Variants in UBQLN4 observed in about 807,000 individuals in gnomAD.
UBQLN4 encodes the protein ubiquilin 4.
In UBQLN4, 11 loss-of-function variants were observed where a neutral mutation model predicts 60.4. The ratio of observed to expected loss-of-function variants is 0.18; its 90% CI spans 0.11 to 0.30. The LOEUF (loss-of-function observed/expected upper bound fraction) is 0.30. Ranked by LOEUF, UBQLN4 falls within the 10% of genes least tolerant of loss-of-function variation. The probability of loss-of-function intolerance (pLI) is 1.00; values close to 1 mark genes in which losing one functional copy is unlikely to be tolerated. For missense variants in UBQLN4, 417 were observed against 795.5 expected (o/e 0.52, Z 5.72); for synonymous variants, 258 against 313.1 (o/e 0.82, Z 1.86).
At chr1:156,037,586 ACT>A (rs1558084558) in intron 10 of UBQLN4, among the ~76,000 whole-genome samples, 2 of 152,166 alleles carry the variant, frequency 1.3e-5, no homozygotes, top group African/African-American at 2.4e-5. Flanking sequence ...ACAGAGCGAG[ACT>A]CTGTCTCAAA....
chr1:156,048,368 C>T lies in UBQLN4; in HGVS notation c.900+133G>A. 1 of 1,057,714 alleles carries T rather than the reference C, an allele frequency of 9.5e-7. No homozygotes were observed. The highest frequency in any genetic ancestry group is 1.8e-5 in the South Asian group (1 of 55,138). The allele number at this position is 1,057,714 out of a possible 1,614,324, so 65.5% of individuals were successfully genotyped here. A position where few individuals can be genotyped will look rare whatever the true frequency, so the allele number is the denominator to read the frequency against. ...ATCCCCGGATATGTACTGTTGAGAA[C>T]TGCCTTCAAGCCAAGGCCCACCCCT... On this transcript the variant is annotated intron_variant, in intron 5 of 10. Transcript: ENST00000368309. This position sits in a 1 kb window ranked among gnomAD's most constrained non-coding sequence, Gnocchi z 4.9.
chr1:156,046,797 G>A lies in UBQLN4; in HGVS notation c.900+1704C>T, dbSNP rs144936002. Among the ~76,000 whole-genome samples the A allele has an allele frequency of 4.9e-3, 733 of 149,336 alleles. 5 individuals are homozygous for A. Among genetic ancestry groups the A allele is most frequent in the African/African-American group, 0.017 (683 of 40,634 alleles). ...GTGGAGGTTGCAGTGAGCTGAGATCGCGCCATTGCACTCCAGCCTGGGCGA... is the reference window on the plus strand; with the variant it reads ...GTGGAGGTTGCAGTGAGCTGAGATCACGCCATTGCACTCCAGCCTGGGCGA... On this transcript the variant is annotated intron_variant, in intron 5 of 10. Transcript: ENST00000368309.
At chr1:156,044,476 C>A (rs1031234677) in intron 5 of UBQLN4, among the ~76,000 whole-genome samples, 1 of 152,148 alleles carries the variant, frequency 6.6e-6, no homozygotes, top group African/African-American at 2.4e-5. Flanking sequence ...CCCATCCCCC[C>A]GGTGGCTTTC....
intron 5 of UBQLN4, among the ~76,000 whole-genome samples, chr1:156,047,624 G>A (rs12733778): frequency 7.9e-5 from 12 of 151,018 alleles, no homozygotes; most frequent in Non-Finnish European, 1.5e-4. Context: ...GGCCAGGCGC[G>A]GTGGCTCACT....
intron 9 of UBQLN4, 27 bp downstream of exon 9, chr1:156,041,845 G>T: frequency 6.3e-7 from 1 of 1,580,490 alleles, no homozygotes; most frequent in Non-Finnish European, 8.6e-7. Flanking sequence ...CTAGAACCTT[G>T]CTGCCCTCCT....
rs777204112 is a variant in UBQLN4 at position 156,048,944 on chromosome 1, A to T, written c.742-285T>A. On this transcript the variant is annotated intron_variant, in intron 4 of 10. Transcript: ENST00000368309. This position sits in a 1 kb window ranked among gnomAD's most constrained non-coding sequence, Gnocchi z 4.9. ...TCCCTCCCTTAGGCTCAGAGTGTCC[A>T]AAGAAGTGTCAGGGTGCACAAGGAA... 2.6e-5 allele frequency among the ~76,000 whole-genome samples: 4 copies of T among 152,238 alleles called. No homozygotes were observed. Among genetic ancestry groups the T allele is most frequent in the Non-Finnish European group, 4.4e-5 (3 of 68,040 alleles).
chr1:156,038,247 C>T (rs768026557), intron 10 of UBQLN4, among the ~76,000 whole-genome samples: 15 of 152,102 alleles, frequency 9.9e-5, no homozygotes, highest in Non-Finnish European at 2.1e-4. Context: ...TGTGGTGGCG[C>T]ATGCCTGTAG....
chr1:156,047,858 T>C (rs1487169605), intron 5 of UBQLN4, among the ~76,000 whole-genome samples: 8 of 144,780 alleles, frequency 5.5e-5, no homozygotes, highest in East Asian at 2.0e-4. Flanking sequence ...CGCCACTGCA[T>C]TCCAGCCTGG....
intron 10 of UBQLN4, among the ~76,000 whole-genome samples, chr1:156,040,441 A>ATTTTTTTT (rs112995184): frequency 9.2e-6 from 1 of 109,030 alleles, no homozygotes; most frequent in Admixed American, 1.0e-4. Context: ...CAGTCCACAC[A>ATTTTTTTT]TTTTTTTTTT....
chr1:156,051,040 C>A (rs4581274), intron 3 of UBQLN4, 70 bp downstream of exon 3: 1 of 1,466,360 alleles, frequency 6.8e-7, no homozygotes, highest in Non-Finnish European at 9.4e-7. Context: ...ACTCCTGTTT[C>A]TCCCTCCTCT....
chr1:156,052,577 GACTCCCAA>G (rs1366931474), intron 1 of UBQLN4, among the ~76,000 whole-genome samples: 2 of 152,176 alleles, frequency 1.3e-5, no homozygotes, highest in Non-Finnish European at 2.9e-5. Flanking sequence ...ACCAGACTCA[GACTCCCAA>G]AGTGCTGGGA....
chr1:156,041,470 C>A lies in UBQLN4; in HGVS notation c.1653+15G>T, dbSNP rs375086934. ...AAGTGGTGCTCCCAGCACCTGCCCC[C>A]ACTGCCTCATGTACCTGTGAGTTTC... On this transcript the variant is annotated intron_variant, in intron 10 of 10. Transcript: ENST00000368309. The A allele has an allele frequency of 6.4e-7, 1 of 1,550,586 alleles. No homozygotes were observed. Among genetic ancestry groups the A allele is most frequent in the Middle Eastern group, 2.4e-4 (1 of 4,186 alleles).
chr1:156,049,567 C>A (rs1558090172), intron 4 of UBQLN4, among the ~76,000 whole-genome samples: 1 of 152,244 alleles, frequency 6.6e-6, no homozygotes, highest in Non-Finnish European at 1.5e-5. Flanking sequence ...ATATGCCCAG[C>A]TTCCCAGAAC....
downstream of UBQLN4, among the ~76,000 whole-genome samples, chr1:156,033,436 A>C (rs990734012): frequency 4.6e-5 from 7 of 151,976 alleles, no homozygotes; most frequent in Non-Finnish European, 8.8e-5. Flanking sequence ...GCCCCACTTT[A>C]TCTCTCTGAA....
chr1:156,032,504 T>C, downstream of UBQLN4, among the ~76,000 whole-genome samples: 1 of 123,280 alleles, frequency 8.1e-6, no homozygotes, highest in Non-Finnish European at 1.8e-5. Flanking sequence ...AGAGTGAAAC[T>C]CCGTCTCAGA....
At chr1:156,047,436 G>A (rs990847815) in intron 5 of UBQLN4, among the ~76,000 whole-genome samples, 2 of 150,764 alleles carry the variant, frequency 1.3e-5, no homozygotes, top group African/African-American at 4.9e-5. Context: ...GTAGAGATGG[G>A]GTTTCACCAT....
Position 156,048,053 on chromosome 1 carries a change from A to G in UBQLN4, c.900+448T>C, listed in dbSNP as rs564634301. Among the ~76,000 whole-genome samples, 1 of 152,228 alleles carries G rather than the reference A, an allele frequency of 6.6e-6. No individual in the cohort carries two copies. Among genetic ancestry groups the G allele is most frequent in the Non-Finnish European group, 1.5e-5 (1 of 68,002 alleles). Reference sequence around the variant, plus strand: ...GAATAGGATTCATAAAGCATTTTTAAAAGTGTATAATCCTGGGGCCCAACC... The same window carrying G: ...GAATAGGATTCATAAAGCATTTTTAGAAGTGTATAATCCTGGGGCCCAACC... On this transcript the variant is annotated intron_variant, in intron 5 of 10. Transcript: ENST00000368309. This position sits in a 1 kb window ranked among gnomAD's most constrained non-coding sequence, Gnocchi z 4.9.
intron 5 of UBQLN4, among the ~76,000 whole-genome samples, chr1:156,047,888 T>A (rs1400875063): frequency 8.9e-6 from 1 of 112,500 alleles, no homozygotes; most frequent in African/African-American, 3.5e-5. Context: ...CGAGACTCCA[T>A]CTCAAAAAAA....
chr1:156,049,943 C>A (rs1558090319), intron 4 of UBQLN4, among the ~76,000 whole-genome samples: 1 of 152,206 alleles, frequency 6.6e-6, no homozygotes, highest in African/African-American at 2.4e-5. Context: ...TTCTTTCCCC[C>A]TGGTTCGTCT....
Sources: allele counts gnomAD v4.1 joint callset (sites outside exome capture counted in the v4.1 genomes callset), GRCh38; gene constraint gnomAD v4.1.1; non-coding constraint Gnocchi (gnomAD v3.1); transcripts MANE v1.5; gene names NCBI Gene and HGNC (gene_info 2026-07-23, HGNC 2026-07-21).